Variants in MMEL1 observed in about 807,000 individuals in gnomAD.
The protein encoded by MMEL1 is membrane metallo-endopeptidase-like 1.
A neutral mutation model predicts 117.1 loss-of-function variants in MMEL1; 98 were observed. That is an observed-to-expected ratio of 0.84 (90% CI 0.71 to 0.99). MMEL1 has a LOEUF of 0.99. Among genes scored for constraint, MMEL1 ranks in the 50% least tolerant of loss-of-function variants. The probability of loss-of-function intolerance (pLI) is 0.00; values close to 1 mark genes in which losing one functional copy is unlikely to be tolerated. For missense variants in MMEL1, 1,014 were observed against 1,049.1 expected (o/e 0.97, Z 0.46); for synonymous variants, 390 against 415.1 (o/e 0.94, Z 0.74).
intron 2 of MMEL1, among the ~76,000 whole-genome samples, chr1:2,628,295 G>A (rs79793581): frequency 6.6e-6 from 1 of 152,330 alleles, no homozygotes; most frequent in African/African-American, 2.4e-5. Context: ...GCCCCGGGCC[G>A]GGACGCCCTG....
At chr1:2,623,313 T>A (rs1428383665) in intron 2 of MMEL1, among the ~76,000 whole-genome samples, 1 of 152,184 alleles carries the variant, frequency 6.6e-6, no homozygotes, top group Non-Finnish European at 1.5e-5. Flanking sequence ...TAAATAAGCA[T>A]AAAAATTTAA....
Position 2,594,434 on chromosome 1 carries a change from G to T in MMEL1, c.1698C>A (p.Ile566=). 1.3e-6 allele frequency: 2 copies of T among 1,551,508 alleles called. No individual in the cohort carries two copies. The highest frequency in any genetic ancestry group is 1.7e-6 in the Non-Finnish European group (2 of 1,146,950). The change falls in exon 18 of 24, where the codon ATC becomes ATA. Residue 566 remains isoleucine (I), a synonymous_variant. Transcript: ENST00000378412. ...REKVDPNLWI[I]GAAVVNAFYS... is the part of the protein sequence containing the mutation. ...AGAACGCATTGACCACCGCCGCCCC[G>T]ATGATCCAGCTGTGATAGACAAGCC...
rs746155967 is a variant in MMEL1, at chr1:2,611,300, G to A, written c.273C>T (p.Thr91=). ...EAQEVSEVCT[T]PGCVIAAARI... ...GCTTACCTGCTATCACGCAGCCAGG[G>A]GTGGTGCAGACCTCGCTCACCTCTT... Residue 91 remains threonine, a synonymous_variant, in exon 4 of 24, where the codon ACC becomes ACT. Coordinates refer to ENST00000378412, the MANE Select transcript of MMEL1 (RefSeq NM_033467.4). The A allele has an allele frequency of 3.2e-6, 5 of 1,578,362 alleles. No homozygotes were observed. The African/African-American group carries it at 6.8e-5, about 22-fold the overall frequency.
chr1:2,591,144 C>T, intron 23 of MMEL1, 55 bp from the exon 24 acceptor site: 6 of 1,270,288 alleles, frequency 4.7e-6, no homozygotes, highest in Non-Finnish European at 5.4e-6. Context: ...CAAACATGGC[C>T]ATTTTAAGTT....
At position 2,595,535 on chromosome 1, in the gene MMEL1, G is replaced by T. The variant is rs899828300; in HGVS notation, c.1501-176C>A. ...CCGGGATCTGGCCCCCACCTTGCAG[G>T]CTCTGGGGAGGTTTAATGGGGACAG... On this transcript the variant is annotated intron_variant, in intron 15 of 23. Transcript: ENST00000378412. The surrounding 1 kb of genome is among the most constrained non-coding windows in gnomAD (Gnocchi z 4.8). 1.3e-5 allele frequency among the ~76,000 whole-genome samples: 2 copies of T among 152,154 alleles called. No individual in the cohort carries two copies. The highest frequency in any genetic ancestry group is 2.4e-5 in the African/African-American group (1 of 41,416).
Position 2,598,725 on chromosome 1 carries a change from A to G in MMEL1, c.1107T>C (p.Asp369=), listed in dbSNP as rs1217418826. 2 of 1,614,026 alleles carry G rather than the reference A, an allele frequency of 1.2e-6. No homozygotes were observed. The highest frequency in any genetic ancestry group is 2.2e-5 in the East Asian group (1 of 44,890). The part of the protein sequence containing the change: ...LSSVKIKLLP[D]EEVVVYGIPY... ...GGATGCCATAGACCACCACTTCCTC[A>G]TCTGGCAGCAGCTTGATTTTGACAG... The change falls in exon 12 of 24, where the codon GAT becomes GAC. Residue 369 remains aspartate (D), a synonymous_variant. Coordinates refer to ENST00000378412, the MANE Select transcript of MMEL1 (RefSeq NM_033467.4).
chr1:2,621,872 T>C lies in MMEL1; in HGVS notation c.154+7459A>G, dbSNP rs558357268. Among the ~76,000 whole-genome samples, 4 of 152,288 alleles carry C rather than the reference T, an allele frequency of 2.6e-5. No individual in the cohort carries two copies. In the South Asian group the frequency reaches 8.3e-4, roughly 32 times the overall value. ...CCACTGTGCCCAGCCATATCTTACATGTATTGATTGATGTCTTATGTTTCC... is the reference window on the plus strand; with the variant it reads ...CCACTGTGCCCAGCCATATCTTACACGTATTGATTGATGTCTTATGTTTCC... On this transcript the variant is annotated intron_variant, in intron 2 of 23. Transcript: ENST00000378412.
chr1:2,606,443 CT>C (rs1645030224), intron 7 of MMEL1, 77 bp from the exon 8 acceptor site: 1 of 1,131,670 alleles, frequency 8.8e-7, no homozygotes, highest in Non-Finnish European at 1.3e-6. Flanking sequence ...TGAATCTGGC[CT>C]CCGGAGCCAG....
Position 2,592,919 on chromosome 1 carries a change from A to G in MMEL1, c.1915T>C (p.Phe639Leu). Residue 639 changes from phenylalanine (F) to leucine (L), a missense_variant, in exon 20 of 24, where the codon TTC becomes CTC. Coordinates refer to ENST00000378412, the MANE Select transcript of MMEL1 (RefSeq NM_033467.4). ...TGCTCCCGGAAGTGCTGGGTGGAGA[A>G]GTTACTCCACCAATCCATCATGTTG... ...NGNMMDWWSNFSTQHFREQSE... is the reference protein window; with the variant it reads ...NGNMMDWWSNLSTQHFREQSE... 6.2e-7 allele frequency: 1 copy of G among 1,613,750 alleles called. No homozygotes were observed. Among genetic ancestry groups the G allele is most frequent in the Non-Finnish European group, 8.5e-7 (1 of 1,179,942 alleles).
chr1:2,594,089 G>T (rs1457869837), intron 18 of MMEL1, 156 bp from the exon 19 acceptor site: 6 of 1,071,560 alleles, frequency 5.6e-6, no homozygotes, highest in African/African-American at 1.6e-5. Flanking sequence ...AGACACGGAG[G>T]TTCAGAGGCT....
Position 2,595,039 on chromosome 1 carries a change from G to A in MMEL1, c.1585-146C>T, listed in dbSNP as rs1421051518. On this transcript the variant is annotated intron_variant, in intron 16 of 23. Coordinates refer to ENST00000378412, the MANE Select transcript of MMEL1 (RefSeq NM_033467.4). This position sits in a 1 kb window ranked among gnomAD's most constrained non-coding sequence, Gnocchi z 4.8. ...TCGGCTGTGGGTGCAGGTGAACGGGGCAGCCCTGGCTGTGGGCATTTACAT... is the reference window on the plus strand; with the variant it reads ...TCGGCTGTGGGTGCAGGTGAACGGGACAGCCCTGGCTGTGGGCATTTACAT... The A allele has an allele frequency of 3.8e-5, 28 of 728,856 alleles. No individual in the cohort carries two copies. Among genetic ancestry groups the A allele is most frequent in the Non-Finnish European group, 5.8e-5 (25 of 432,108 alleles). The allele number at this position is 728,856 out of a possible 1,614,324, so 45.1% of individuals were successfully genotyped here. A position where few individuals can be genotyped will look rare whatever the true frequency, so the allele number is the denominator to read the frequency against.
chr1:2,618,953 G>C (rs552914787), intron 2 of MMEL1, among the ~76,000 whole-genome samples: 1 of 152,304 alleles, frequency 6.6e-6, no homozygotes, highest in East Asian at 1.9e-4. Context: ...TTGGCCATGT[G>C]ACTCCGTAGT....
chr1:2,592,987 G>C (rs370304482), intron 19 of MMEL1, 21 bp from the exon 20 acceptor site: 1 of 1,611,032 alleles, frequency 6.2e-7, no homozygotes, highest in East Asian at 2.2e-5. Flanking sequence ...GCAGAGGAGG[G>C]CTGCCCACAT....
At chr1:2,606,510 T>C in intron 7 of MMEL1, 144 bp from the exon 8 acceptor site, 1 of 628,536 alleles carries the variant, frequency 1.6e-6, no homozygotes, top group Non-Finnish European at 2.8e-6. Flanking sequence ...GGCTGGGGGA[T>C]GTGGGAGACA....
At chr1:2,617,412 G>A (rs1645219835) in intron 2 of MMEL1, among the ~76,000 whole-genome samples, 1 of 125,692 alleles carries the variant, frequency 8.0e-6, no homozygotes, top group Admixed American at 9.4e-5. Context: ...GGGCGACAGA[G>A]AGAGACTCCG....
intron 2 of MMEL1, among the ~76,000 whole-genome samples, chr1:2,626,200 T>G (rs112045075): frequency 2.1e-3 from 316 of 152,262 alleles, no homozygotes; most frequent in Admixed American, 4.4e-3. Flanking sequence ...GGTCAGGGAC[T>G]TGGAAGAAGT....
At chr1:2,604,122 T>TAG in intron 10 of MMEL1, 25 bp downstream of exon 10, 3 of 1,357,430 alleles carry the variant, frequency 2.2e-6, no homozygotes, top group Non-Finnish European at 3.1e-6. Flanking sequence ...CGCTGCCCGC[T>TAG]CCCCACCCGC....
At chr1:2,618,938 G>A (rs149909290) in intron 2 of MMEL1, among the ~76,000 whole-genome samples, 55 of 152,270 alleles carry the variant, frequency 3.6e-4, no homozygotes, top group Non-Finnish European at 4.4e-4. Flanking sequence ...CTCTGCATCC[G>A]TGCCTTGGCC....
rs1462663148 is a variant in MMEL1 at position 2,603,937 on chromosome 1, C to T, written c.988G>A (p.Ala330Thr). Residue 330 changes from alanine (A) to threonine (T), a missense_variant, in exon 11 of 24, where the codon GCC becomes ACC. Coordinates refer to ENST00000378412, the MANE Select transcript of MMEL1 (RefSeq NM_033467.4). ...TCCAGTCCCATCCGGTGGTACAAGG[C>T]GATGACGTCGTGTCTCTCCTCCTGG... ...VPQEERHDVIALYHRMGLEEL... is the reference protein window; with the variant it reads ...VPQEERHDVITLYHRMGLEEL... 1.2e-5 allele frequency: 19 copies of T among 1,613,916 alleles called. No individual in the cohort carries two copies. The highest frequency in any genetic ancestry group is 1.7e-5 in the Admixed American group (1 of 60,016).
Sources: gnomAD v4.1 joint callset for allele counts (sites outside exome capture counted in the v4.1 genomes callset) on GRCh38, gnomAD v4.1.1 for gene constraint, Gnocchi (gnomAD v3.1) non-coding constraint, MANE v1.5 for transcripts, NCBI Gene and HGNC (gene_info 2026-07-23, HGNC 2026-07-21) for gene names.